Variants in LIMS1 observed in about 807,000 individuals in gnomAD.
The protein encoded by LIMS1 is LIM zinc finger domain containing 1, also known as LIM and senescent cell antigen-like-containing domain protein 1.
LIMS1 carries 18 observed loss-of-function variants against 44.1 expected under a neutral mutation model. That is an observed-to-expected ratio of 0.41 (90% CI 0.28 to 0.61). The LOEUF (loss-of-function observed/expected upper bound fraction) is 0.61. Ranked by LOEUF, LIMS1 falls within the 20% of genes least tolerant of loss-of-function variation. The pLI is 0.32. For missense variants in LIMS1, 201 were observed against 422.0 expected (o/e 0.48, Z 4.59); for synonymous variants, 93 against 149.1 (o/e 0.62, Z 2.74).
At chr2:108,652,620 G>A (rs1690577890) in intron 1 of LIMS1, among the ~76,000 whole-genome samples, 1 of 152,254 alleles carries the variant, frequency 6.6e-6, no homozygotes, top group Non-Finnish European at 1.5e-5. Context: ...AGAGGCTGAT[G>A]TTACAGGAAG....
In LIMS1 at chr2:108,600,891, T is replaced by TTCTTCTCTTCTCTTC. The variant is rs150372618; in HGVS notation, c.33-58684_33-58670dup. 9.2e-3 allele frequency among the ~76,000 whole-genome samples: 840 copies of TTCTTCTCTTCTCTTC among 90,914 alleles called. 1 individual carries two copies. Among genetic ancestry groups the TTCTTCTCTTCTCTTC allele is most frequent in the African/African-American group, 0.017 (471 of 27,250 alleles). The allele number at this position is 90,914 out of a possible 152,430, so 59.6% of individuals were successfully genotyped here. On this transcript the variant is annotated intron_variant, in intron 1 of 9. Transcript: ENST00000544547. Reference sequence around the variant, plus strand: ...TCCACATAAATTTTAGAATTGTTCGTTCTTCTCTTCTCTTCTCTTCTCTTC... The same window carrying TTCTTCTCTTCTCTTC: ...TCCACATAAATTTTAGAATTGTTCGTTCTTCTCTTCTCTTCTCTTCTCTTCTCTTCTCTTCTCTTC...
chr2:108,644,050 G>A (rs1250577381), intron 1 of LIMS1, among the ~76,000 whole-genome samples: 2 of 152,148 alleles, frequency 1.3e-5, no homozygotes, highest in South Asian at 2.1e-4. Context: ...GTCACCTCCC[G>A]GGACAGAGCA....
chr2:108,626,432 T>C (rs1432435478), intron 1 of LIMS1, among the ~76,000 whole-genome samples: 1 of 152,216 alleles, frequency 6.6e-6, no homozygotes, highest in African/African-American at 2.4e-5. Flanking sequence ...TGTTGCTTTT[T>C]AAAAGTTCAT....
chr2:108,613,699 G>A (rs1162850742), intron 1 of LIMS1, among the ~76,000 whole-genome samples: 5 of 152,122 alleles, frequency 3.3e-5, no homozygotes, highest in African/African-American at 4.8e-5. Flanking sequence ...CTTAAGACAC[G>A]GGCGGCCCTT....
At chr2:108,670,391 C>G (rs530171751) in intron 2 of LIMS1, among the ~76,000 whole-genome samples, 1 of 151,292 alleles carries the variant, frequency 6.6e-6, no homozygotes, top group African/African-American at 2.4e-5. Flanking sequence ...GTGAGAATTA[C>G]AGATATCGAC....
intron 8 of LIMS1, among the ~76,000 whole-genome samples, chr2:108,680,365 CAAA>C (rs35982119): frequency 2.9e-5 from 2 of 68,244 alleles, no homozygotes; most frequent in African/African-American, 5.9e-5. Context: ...GATTCCGTCT[CAAA>C]AAAAAAAAAA....
chr2:108,680,816 T>C (rs1692939672), intron 9 of LIMS1, 46 bp downstream of exon 9: 1 of 1,590,576 alleles, frequency 6.3e-7, no homozygotes, highest in Non-Finnish European at 8.5e-7. Flanking sequence ...ACTGAAAACT[T>C]TGGGGAGACA....
chr2:108,571,524 G>A (rs757095066), intron 1 of LIMS1, among the ~76,000 whole-genome samples: 33 of 152,052 alleles, frequency 2.2e-4, no homozygotes, highest in Non-Finnish European at 1.9e-4. Flanking sequence ...AAACATTGGC[G>A]TACATAATTG....
intron 1 of LIMS1, among the ~76,000 whole-genome samples, chr2:108,599,641 C>T (rs2104714595): frequency 6.6e-6 from 1 of 152,292 alleles, no homozygotes; most frequent in South Asian, 2.1e-4. Flanking sequence ...ACATTTCCAC[C>T]AACAGGGTAC....
intron 1 of LIMS1, among the ~76,000 whole-genome samples, chr2:108,618,230 G>A (rs191847890): frequency 6.6e-6 from 1 of 152,236 alleles, no homozygotes; most frequent in African/African-American, 2.4e-5. Flanking sequence ...CGCAGAAAAT[G>A]CATTTATACA....
chr2:108,659,811 C>G (rs1691210689), intron 2 of LIMS1, 47 bp downstream of exon 2: 5 of 1,612,118 alleles, frequency 3.1e-6, no homozygotes, highest in Non-Finnish European at 4.2e-6. Context: ...CCCCGCCCTC[C>G]CGCTTCCTGC....
At chr2:108,603,438 C>G (rs1332418611) in intron 1 of LIMS1, among the ~76,000 whole-genome samples, 2 of 150,944 alleles carry the variant, frequency 1.3e-5, no homozygotes, top group African/African-American at 4.9e-5. Context: ...CTCATAGTAG[C>G]CACTAATGAT....
chr2:108,596,915 G>GGT (rs1686728574), intron 1 of LIMS1, among the ~76,000 whole-genome samples: 2 of 68,444 alleles, frequency 2.9e-5, no homozygotes, highest in African/African-American at 1.1e-4. Flanking sequence ...CGAAACATCT[G>GGT]TTTTTTTTTT....
intron 1 of LIMS1, among the ~76,000 whole-genome samples, chr2:108,611,912 C>T (rs1267062030): frequency 2.9e-5 from 2 of 69,632 alleles, no homozygotes; most frequent in Non-Finnish European, 6.5e-5. Flanking sequence ...AAAATATACA[C>T]ACATATAAAA....
chr2:108,576,280 G>C (rs11890116), intron 1 of LIMS1, among the ~76,000 whole-genome samples: 1,831 of 152,222 alleles, frequency 0.012, 44 homozygotes, highest in African/African-American at 0.043. Flanking sequence ...GTTTTGTTTT[G>C]TTTTGTTTTG....
chr2:108,536,423 C>G (rs1276515461), intron 1 of LIMS1, among the ~76,000 whole-genome samples: 2 of 152,212 alleles, frequency 1.3e-5, no homozygotes, highest in African/African-American at 4.8e-5. Flanking sequence ...GAATCATACG[C>G]TATTTGTTGT....
intron 1 of LIMS1, among the ~76,000 whole-genome samples, chr2:108,574,331 T>C (rs1224428711): frequency 6.6e-6 from 1 of 152,198 alleles, no homozygotes; most frequent in Non-Finnish European, 1.5e-5. Context: ...AAGTTAAGGA[T>C]GTGTAGGTTA....
intron 1 of LIMS1, among the ~76,000 whole-genome samples, chr2:108,569,934 G>C (rs979805196): frequency 2.0e-5 from 3 of 151,914 alleles, no homozygotes; most frequent in African/African-American, 7.3e-5. Context: ...AGGAGGGAGA[G>C]TGAAGAGAAG....
rs142393449 is a variant in LIMS1, at chr2:108,620,178, A to G, written c.33-39427A>G. ...AATAAGATGTAGACTTCCCTTTCCTATGGGTTGCCTTAATTTTTGTATATA... is the reference window on the plus strand; with the variant it reads ...AATAAGATGTAGACTTCCCTTTCCTGTGGGTTGCCTTAATTTTTGTATATA... On this transcript the variant is annotated intron_variant, in intron 1 of 9. Coordinates refer to ENST00000544547, the Ensembl canonical transcript of LIMS1. Among the ~76,000 whole-genome samples the G allele has an allele frequency of 9.7e-4, 147 of 152,232 alleles. 4 individuals carry two copies. Among genetic ancestry groups the G allele is most frequent in the Non-Finnish European group, 1.5e-3 (99 of 68,014 alleles).
Sources: allele counts gnomAD v4.1 joint callset (sites outside exome capture counted in the v4.1 genomes callset), GRCh38; gene constraint gnomAD v4.1.1; transcripts MANE v1.5; gene names NCBI Gene and HGNC (gene_info 2026-07-23, HGNC 2026-07-21).